Variants in STAG1 observed in about 807,000 individuals in gnomAD.
STAG1 encodes cohesin subunit SA-1.
Under a neutral mutation model 170.9 loss-of-function variants are expected in STAG1, and 26 were observed. That is an observed-to-expected ratio of 0.15 (90% CI 0.11 to 0.21). STAG1 has a LOEUF of 0.21. Ranked by LOEUF, STAG1 falls within the 10% of genes least tolerant of loss-of-function variation. The probability of loss-of-function intolerance (pLI) is 1.00; values close to 1 mark genes in which losing one functional copy is unlikely to be tolerated. For synonymous variants in STAG1, 514 were observed against 497.7 expected (o/e 1.03, Z -0.44); for missense variants, 964 against 1,509.5 (o/e 0.64, Z 5.99).
intron 5 of STAG1, among the ~76,000 whole-genome samples, chr3:136,546,864 A>G (rs1290502481): frequency 4.6e-5 from 7 of 152,226 alleles, no homozygotes; most frequent in Non-Finnish European, 1.0e-4. Flanking sequence ...GCAGTTTCTT[A>G]TCAGACTGCA....
chr3:136,452,940 C>A (rs1156302158), intron 13 of STAG1, among the ~76,000 whole-genome samples: 1 of 152,192 alleles, frequency 6.6e-6, no homozygotes, highest in East Asian at 1.9e-4. Context: ...CAGGTGCCTG[C>A]CACTATGCTG....
intron 2 of STAG1, among the ~76,000 whole-genome samples, chr3:136,625,264 T>C (rs1400871264): frequency 6.6e-6 from 1 of 152,234 alleles, no homozygotes; most frequent in Admixed American, 6.5e-5. Context: ...CCCTCTTCCT[T>C]AAAGCTCAAC....
chr3:136,551,225 G>A (rs1304722239), intron 5 of STAG1, among the ~76,000 whole-genome samples: 16 of 129,172 alleles, frequency 1.2e-4, no homozygotes, highest in African/African-American at 4.1e-4. Context: ...GAGAGAGAGA[G>A]AGAGAGAGAG....
intron 1 of STAG1, among the ~76,000 whole-genome samples, chr3:136,651,511 A>G (rs1415326274): frequency 6.6e-6 from 1 of 152,134 alleles, no homozygotes; most frequent in East Asian, 1.9e-4. Flanking sequence ...AAGTTAGTAA[A>G]TATTTACAAG....
intron 1 of STAG1, among the ~76,000 whole-genome samples, chr3:136,704,570 G>A (rs377442797): frequency 6.6e-6 from 1 of 151,978 alleles, no homozygotes; most frequent in African/African-American, 2.4e-5. Flanking sequence ...GCTCATGCCT[G>A]TAATCCCAGC....
intron 1 of STAG1, among the ~76,000 whole-genome samples, chr3:136,723,454 G>A (rs1427928403): frequency 1.3e-5 from 2 of 150,520 alleles, no homozygotes; most frequent in Admixed American, 6.6e-5. Context: ...CCCTCTGCCT[G>A]GCAACCGCCC....
intron 4 of STAG1, among the ~76,000 whole-genome samples, chr3:136,598,722 C>T (rs962202357): frequency 5.9e-5 from 9 of 152,028 alleles, no homozygotes; most frequent in African/African-American, 7.2e-5. Flanking sequence ...CCACCGCGCC[C>T]GGCCAATACA....
chr3:136,627,895 C>T (rs1437131665), intron 2 of STAG1, among the ~76,000 whole-genome samples: 1 of 152,196 alleles, frequency 6.6e-6, no homozygotes, highest in African/African-American at 2.4e-5. Context: ...GATACTGCAA[C>T]ATCCTTCTCC....
chr3:136,725,529 C>T (rs956352518), intron 1 of STAG1, among the ~76,000 whole-genome samples: 1 of 152,076 alleles, frequency 6.6e-6, no homozygotes, highest in African/African-American at 2.4e-5. Flanking sequence ...GTAATAACGC[C>T]AATTCTATGT....
chr3:136,514,715 T>C (rs1301581459), intron 7 of STAG1, among the ~76,000 whole-genome samples: 1 of 152,170 alleles, frequency 6.6e-6, no homozygotes, highest in Non-Finnish European at 1.5e-5. Context: ...ATATACACCA[T>C]GGAATACTAT....
chr3:136,536,462 G>C (rs1020052977), intron 6 of STAG1, among the ~76,000 whole-genome samples: 5 of 151,790 alleles, frequency 3.3e-5, no homozygotes, highest in African/African-American at 4.8e-5. Flanking sequence ...TATGGACTTA[G>C]GGCCAGGCAC....
At chr3:136,433,715 T>A (rs1269297701) in intron 15 of STAG1, 56 bp from the exon 16 acceptor site, 2 of 1,199,178 alleles carry the variant, frequency 1.7e-6, no homozygotes, top group African/African-American at 3.1e-5. Context: ...CAACCATGTA[T>A]TAAAAATGAA....
At chr3:136,541,836 T>C (rs1480908703) in intron 6 of STAG1, among the ~76,000 whole-genome samples, 1 of 152,078 alleles carries the variant, frequency 6.6e-6, no homozygotes, top group African/African-American at 2.4e-5. Flanking sequence ...ATTTATAAAT[T>C]TGGGAATTTG....
intron 1 of STAG1, among the ~76,000 whole-genome samples, chr3:136,672,785 C>T (rs68018658): frequency 0.079 from 11,974 of 152,168 alleles, 489 homozygotes; most frequent in Non-Finnish European, 0.094. Context: ...AGAATTCATA[C>T]AGCAGGTAAA....
chr3:136,507,386 C>G (rs886535157), intron 7 of STAG1, among the ~76,000 whole-genome samples: 1 of 152,122 alleles, frequency 6.6e-6, no homozygotes, highest in Non-Finnish European at 1.5e-5. Context: ...TCTTTTGAGA[C>G]AAGGTCTTGC....
rs190095025 is a variant in STAG1 at position 136,409,059 on chromosome 3, G to C, written c.2196+8826C>G. Among the ~76,000 whole-genome samples, 256 of 152,212 alleles carry C rather than the reference G, an allele frequency of 1.7e-3. 1 individual carries two copies. Among genetic ancestry groups the C allele is most frequent in the Non-Finnish European group, 3.1e-3 (209 of 68,024 alleles). On this transcript the variant is annotated intron_variant, in intron 21 of 33. Transcript: ENST00000383202. ...GGCGGGTGGATCACAGAGGTCAGGA[G>C]TTTGAGACCAGCCTGGCTAACATGG...
At chr3:136,598,584 G>A (rs570925205) in intron 4 of STAG1, among the ~76,000 whole-genome samples, 4 of 151,940 alleles carry the variant, frequency 2.6e-5, no homozygotes, top group East Asian at 1.9e-4. Flanking sequence ...CCGCCACCAC[G>A]CCCGGCTAAT....
intron 3 of STAG1, among the ~76,000 whole-genome samples, chr3:136,617,823 AT>A (rs903458284): frequency 6.6e-6 from 1 of 152,114 alleles, no homozygotes; most frequent in African/African-American, 2.4e-5. Context: ...GCAAATAAAA[AT>A]TTTGGTATTT....
intron 4 of STAG1, among the ~76,000 whole-genome samples, chr3:136,587,297 C>T (rs6806795): frequency 0.36 from 55,087 of 151,826 alleles, 11,050 homozygotes; most frequent in African/African-American, 0.52. Flanking sequence ...TCCAACACTT[C>T]GGCAGGCCGA....
Sources: gnomAD v4.1 joint callset for allele counts (sites outside exome capture counted in the v4.1 genomes callset) on GRCh38, gnomAD v4.1.1 for gene constraint, MANE v1.5 for transcripts, NCBI Gene and HGNC (gene_info 2026-07-23, HGNC 2026-07-21) for gene names.